The following KCNQ1OT1 variants were observed in gnomAD, a reference collection of about 807,000 sequenced individuals.
The protein encoded by KCNQ1OT1 is KCNQ1 opposite strand/antisense transcript 1.
At position 2,676,564 on chromosome 11, in the gene KCNQ1OT1, G is replaced by A. The variant is rs1258568036; in HGVS notation, n.23431C>T. 1.3e-5 allele frequency: 5 copies of A among 398,644 alleles called. No homozygotes were observed. The highest frequency in any genetic ancestry group is 4.4e-5 in the Admixed American group (1 of 22,736). The allele number at this position is 398,644 out of a possible 1,614,324, so 24.7% of individuals were successfully genotyped here. On this transcript the variant is annotated non_coding_transcript_exon_variant, in exon 1 of 1. Coordinates refer to ENST00000597346, the Ensembl canonical transcript of KCNQ1OT1. This position sits in a 1 kb window ranked among gnomAD's most constrained non-coding sequence, Gnocchi z 4.2. ...TACAGGAAAGGTCTAAGAAGGCTAA[G>A]GACCATCATACTGGGTATTCAACAG...
In KCNQ1OT1 at chr11:2,652,247, C is replaced by T; in HGVS notation, n.47748G>A. ...GAGAATGAGGCCTGCAACTCATTTC[C>T]CCATTAAACATTCTGAGAACATCTG... On this transcript the variant is annotated non_coding_transcript_exon_variant, in exon 1 of 1. Transcript: ENST00000597346. This position sits in a 1 kb window ranked among gnomAD's most constrained non-coding sequence, Gnocchi z 5.9. 2.5e-6 allele frequency: 1 copy of T among 398,640 alleles called. No individual in the cohort carries two copies. The highest frequency in any genetic ancestry group is 2.1e-5 in the African/African-American group (1 of 48,754). 24.7% of individuals were successfully genotyped at this position (398,640 alleles called of 1,614,324 possible).
At position 2,617,413 on chromosome 11, in the gene KCNQ1OT1, T is replaced by A. The variant is rs1433727367; in HGVS notation, n.82582A>T. 1.0e-5 allele frequency: 4 copies of A among 398,368 alleles called. No homozygotes were observed. Among genetic ancestry groups the A allele is most frequent in the Non-Finnish European group, 1.8e-5 (4 of 225,962 alleles). The allele number at this position is 398,368 out of a possible 1,614,324, so 24.7% of individuals were successfully genotyped here. A position where few individuals can be genotyped will look rare whatever the true frequency, so the allele number is the denominator to read the frequency against. On this transcript the variant is annotated non_coding_transcript_exon_variant, in exon 1 of 1. Transcript: ENST00000597346. This position sits in a 1 kb window ranked among gnomAD's most constrained non-coding sequence, Gnocchi z 4.6. ...TGGCAAGTGGCAGGATCTCCTTTTTTAATGCGGAATAATATTCCATTGTAG... is the reference window on the plus strand; with the variant it reads ...TGGCAAGTGGCAGGATCTCCTTTTTAAATGCGGAATAATATTCCATTGTAG...
rs1850200728 is a variant in KCNQ1OT1 at position 2,672,360 on chromosome 11, C to A, written n.27635G>T. ...GTGCAGAAGCAGTGTGGTGGGGCAGCCTTCACAGGCTGATATGATTGAGCT... is the reference window on the plus strand; with the variant it reads ...GTGCAGAAGCAGTGTGGTGGGGCAGACTTCACAGGCTGATATGATTGAGCT... On this transcript the variant is annotated non_coding_transcript_exon_variant, in exon 1 of 1. Transcript: ENST00000597346. The A allele has an allele frequency of 1.5e-5, 6 of 398,584 alleles. No individual in the cohort carries two copies. In the East Asian group the frequency reaches 2.1e-4, roughly 14 times the overall value. 24.7% of individuals were successfully genotyped at this position (398,584 alleles called of 1,614,324 possible). A position where few individuals can be genotyped will look rare whatever the true frequency, so the allele number is the denominator to read the frequency against.
In KCNQ1OT1 at chr11:2,674,861, G is replaced by T. The variant is rs184476132; in HGVS notation, n.25134C>A. On this transcript the variant is annotated non_coding_transcript_exon_variant, in exon 1 of 1. Transcript: ENST00000597346. The surrounding 1 kb of genome is among the most constrained non-coding windows in gnomAD (Gnocchi z 5.9). Reference sequence around the variant, plus strand: ...AAAAAAAAAAAAAAAAAAAAAAAAAGCTCACTGGGCACCTTGGCTGCAGGG... The same window carrying T: ...AAAAAAAAAAAAAAAAAAAAAAAAATCTCACTGGGCACCTTGGCTGCAGGG... The T allele has an allele frequency of 3.3e-6, 1 of 302,870 alleles. No individual in the cohort carries two copies. Among genetic ancestry groups the T allele is most frequent in the African/African-American group, 3.9e-5 (1 of 25,972 alleles). The allele number at this position is 302,870 out of a possible 1,614,324, so 18.8% of individuals were successfully genotyped here.
chr11:2,625,818 C>T (rs1849252741), exon 1 of KCNQ1OT1: 2 of 398,496 alleles, frequency 5.0e-6, no homozygotes, highest in African/African-American at 2.1e-5. Context: ...ATCCTCCCGC[C>T]TCAGCCTCCC....
In KCNQ1OT1 at chr11:2,679,825, C is replaced by A. The variant is rs1023021558; in HGVS notation, n.20170G>T. ...AGGAGCACAAGGGGCCAGACTGCTG[C>A]TACTTCTGAATTTTATAGGACATGC... On this transcript the variant is annotated non_coding_transcript_exon_variant, in exon 1 of 1. Coordinates refer to ENST00000597346, the Ensembl canonical transcript of KCNQ1OT1. This position sits in a 1 kb window ranked among gnomAD's most constrained non-coding sequence, Gnocchi z 4.8. 9.5e-5 allele frequency: 38 copies of A among 398,508 alleles called. No individual in the cohort carries two copies. The highest frequency in any genetic ancestry group is 1.7e-4 in the Non-Finnish European group (38 of 226,074). 24.7% of individuals were successfully genotyped at this position (398,508 alleles called of 1,614,324 possible).
chr11:2,644,252 A>T (rs752707074), exon 1 of KCNQ1OT1: 3 of 398,500 alleles, frequency 7.5e-6, no homozygotes, highest in Non-Finnish European at 1.3e-5. Context: ...TCCTATAGTC[A>T]CATAGCCTTT....
exon 1 of KCNQ1OT1, chr11:2,667,327 C>T (rs1850095069): frequency 2.5e-6 from 1 of 398,656 alleles, no homozygotes; most frequent in East Asian, 3.6e-5. Flanking sequence ...CAGAAGAAAG[C>T]AGTGAGGCTT....
At position 2,617,906 on chromosome 11, in the gene KCNQ1OT1, A is replaced by T. The variant is rs535084556; in HGVS notation, n.82089T>A. ...ATCTATTTTCTTGTTATTGAGTTGT[A>T]TGCATTCCTTATAAATTTTGGATAT... On this transcript the variant is annotated non_coding_transcript_exon_variant, in exon 1 of 1. Transcript: ENST00000597346. The surrounding 1 kb of genome is among the most constrained non-coding windows in gnomAD (Gnocchi z 4.6). The T allele has an allele frequency of 1.6e-4, 63 of 398,542 alleles. No individual in the cohort carries two copies. Among genetic ancestry groups the T allele is most frequent in the Admixed American group, 2.2e-4 (5 of 22,726 alleles). 24.7% of individuals were successfully genotyped at this position (398,542 alleles called of 1,614,324 possible).
At position 2,663,757 on chromosome 11, in the gene KCNQ1OT1, T is replaced by C. The variant is rs1183079373; in HGVS notation, n.36238A>G. ...AAGGTGGTGAGAGACCAGGCACTTA[T>C]GTGGATCACAGCCAAACTTGCAGCT... On this transcript the variant is annotated non_coding_transcript_exon_variant, in exon 1 of 1. Transcript: ENST00000597346. The surrounding 1 kb of genome is among the most constrained non-coding windows in gnomAD (Gnocchi z 5.2). 2.5e-6 allele frequency: 1 copy of C among 398,600 alleles called. No homozygotes were observed. Among genetic ancestry groups the C allele is most frequent in the African/African-American group, 2.1e-5 (1 of 48,642 alleles). The allele number at this position is 398,600 out of a possible 1,614,324, so 24.7% of individuals were successfully genotyped here.
rs912225950 is a variant in KCNQ1OT1 at position 2,647,355 on chromosome 11, T to A, written n.52640A>T. On this transcript the variant is annotated non_coding_transcript_exon_variant, in exon 1 of 1. Transcript: ENST00000597346. This position sits in a 1 kb window ranked among gnomAD's most constrained non-coding sequence, Gnocchi z 4.0. Reference sequence around the variant, plus strand: ...TGATTATGGTGTATTATCTTTTTGATGTGCGATTGGATTCAGATTGCTAGT... The same window carrying A: ...TGATTATGGTGTATTATCTTTTTGAAGTGCGATTGGATTCAGATTGCTAGT... 2.5e-6 allele frequency: 1 copy of A among 398,484 alleles called. No individual in the cohort carries two copies. The highest frequency in any genetic ancestry group is 4.4e-6 in the Non-Finnish European group (1 of 226,062). 24.7% of individuals were successfully genotyped at this position (398,484 alleles called of 1,614,324 possible). A position where few individuals can be genotyped will look rare whatever the true frequency, so the allele number is the denominator to read the frequency against.
At chr11:2,681,000 G>A (rs1850387687) in exon 1 of KCNQ1OT1, 1 of 398,450 alleles carries the variant, frequency 2.5e-6, no homozygotes, top group Non-Finnish European at 4.4e-6. Context: ...AAATAGGTAT[G>A]TGTTCTTTTA....
At chr11:2,694,579 C>T (rs1164323923) in exon 1 of KCNQ1OT1, 2 of 398,516 alleles carry the variant, frequency 5.0e-6, no homozygotes, top group Non-Finnish European at 8.8e-6. Context: ...AAAATGGAGG[C>T]ACACTTTCCT....
exon 1 of KCNQ1OT1, chr11:2,641,225 G>T (rs1173300193): frequency 2.5e-6 from 1 of 398,166 alleles, no homozygotes; most frequent in Admixed American, 4.4e-5. Context: ...CTCTTTTTAG[G>T]TTTTTCAGAA....
In KCNQ1OT1 at chr11:2,691,440, C is replaced by T; in HGVS notation, n.8555G>A. ...GGGAGTCCACTGAAGCTCCCTGCCC[C>T]CACTGAGTCTCTGATGTTGACAGCC... On this transcript the variant is annotated non_coding_transcript_exon_variant, in exon 1 of 1. Coordinates refer to ENST00000597346, the Ensembl canonical transcript of KCNQ1OT1. The surrounding 1 kb of genome is among the most constrained non-coding windows in gnomAD (Gnocchi z 6.4). 1 of 398,628 alleles carries T rather than the reference C, an allele frequency of 2.5e-6. No homozygotes were observed. Among genetic ancestry groups the T allele is most frequent in the East Asian group, 3.6e-5 (1 of 28,064 alleles). 24.7% of individuals were successfully genotyped at this position (398,628 alleles called of 1,614,324 possible).
chr11:2,688,629 T>C lies in KCNQ1OT1; in HGVS notation n.11366A>G, dbSNP rs945582266. The C allele has an allele frequency of 1.6e-4, 63 of 398,768 alleles. No homozygotes were observed. The East Asian group carries it at 2.2e-3, about 14-fold the overall frequency. 24.7% of individuals were successfully genotyped at this position (398,768 alleles called of 1,614,324 possible). ...CATCTTGTGCTGTGCCTGGGTGAGC[T>C]CTGGACCTGCCTCCTAAACATAGGG... On this transcript the variant is annotated non_coding_transcript_exon_variant, in exon 1 of 1. Coordinates refer to ENST00000597346, the Ensembl canonical transcript of KCNQ1OT1.
rs1012610783 is a variant in KCNQ1OT1, at chr11:2,658,016, C to T, written n.41979G>A. 2.5e-6 allele frequency: 1 copy of T among 398,442 alleles called. No homozygotes were observed. Among genetic ancestry groups the T allele is most frequent in the African/African-American group, 2.1e-5 (1 of 48,602 alleles). The allele number at this position is 398,442 out of a possible 1,614,324, so 24.7% of individuals were successfully genotyped here. A position where few individuals can be genotyped will look rare whatever the true frequency, so the allele number is the denominator to read the frequency against. ...TAAGTGAATAGCTGTTTTTCCCTTT[C>T]CATAGCTTAGTCTTTAGAAGCGAGT... On this transcript the variant is annotated non_coding_transcript_exon_variant, in exon 1 of 1. Coordinates refer to ENST00000597346, the Ensembl canonical transcript of KCNQ1OT1. The surrounding 1 kb of genome is among the most constrained non-coding windows in gnomAD (Gnocchi z 4.9).
At chr11:2,667,324 A>C in exon 1 of KCNQ1OT1, 1 of 398,594 alleles carries the variant, frequency 2.5e-6, no homozygotes, top group South Asian at 1.3e-4. Context: ...GCCCAGAAGA[A>C]AGCAGTGAGG....
chr11:2,654,473 C>T lies in KCNQ1OT1; in HGVS notation n.45522G>A, dbSNP rs1849806663. 5 of 398,556 alleles carry T rather than the reference C, an allele frequency of 1.3e-5. No homozygotes were observed. In the East Asian group the frequency reaches 1.8e-4, roughly 14 times the overall value. The allele number at this position is 398,556 out of a possible 1,614,324, so 24.7% of individuals were successfully genotyped here. A position where few individuals can be genotyped will look rare whatever the true frequency, so the allele number is the denominator to read the frequency against. ...GCTGAGCGCCAGGCACACATAAGCC[C>T]TGCAGCCGTACAGGGGAGGGGGCAA... is the stretch of plus-strand genomic sequence containing the variant. On this transcript the variant is annotated non_coding_transcript_exon_variant, in exon 1 of 1. Coordinates refer to ENST00000597346, the Ensembl canonical transcript of KCNQ1OT1. This position sits in a 1 kb window ranked among gnomAD's most constrained non-coding sequence, Gnocchi z 6.4.
Sources: gnomAD v4.1 joint callset for allele counts on GRCh38, gnomAD v4.1.1 for gene constraint, Gnocchi (gnomAD v3.1) non-coding constraint, MANE v1.5 for transcripts, NCBI Gene and HGNC (gene_info 2026-07-23, HGNC 2026-07-21) for gene names.